The following KCNG4 variants were observed in gnomAD, a reference collection of about 807,000 sequenced individuals.
The protein encoded by KCNG4 is voltage-gated potassium channel regulatory subunit KCNG4.
A neutral mutation model predicts 28.2 loss-of-function variants in KCNG4; 30 were observed. The ratio of observed to expected loss-of-function variants is 1.06; its 90% CI spans 0.80 to 1.44. KCNG4 has a LOEUF of 1.44. Ranked by LOEUF, KCNG4 falls within the 40% of genes most tolerant of loss-of-function variation. The pLI, the probability that KCNG4 is intolerant of heterozygous loss-of-function variation, is 0.00. For synonymous variants in KCNG4, 375 were observed against 315.5 expected, an observed-to-expected ratio of 1.19 and a Z score of -2.00; for missense variants, 879 against 712.3, an observed-to-expected ratio of 1.23 and a Z score of -2.66.
At position 84,222,581 on chromosome 16, in the gene KCNG4, A is replaced by G; in HGVS notation, c.1196T>C (p.Val399Ala). The G allele has an allele frequency of 6.2e-7, 1 of 1,612,986 alleles. No individual in the cohort carries two copies. The highest frequency in any genetic ancestry group is 8.5e-7 in the Non-Finnish European group (1 of 1,179,858). ...GGCGGGGATGCTGGTGAACTCCAGCACCCGCCCGGACTCCTTCTCGGCCAC... is the reference window on the plus strand; with the variant it reads ...GGCGGGGATGCTGGTGAACTCCAGCGCCCGCCCGGACTCCTTCTCGGCCAC... ...VYVAEKESGR[V>A]LEFTSIPASY... Residue 399 changes from valine to alanine, a missense_variant, in exon 3 of 3, where the codon GTG becomes GCG. Coordinates refer to ENST00000308251, the MANE Select transcript of KCNG4 (RefSeq NM_172347.3).
Position 84,237,766 on chromosome 16 carries a change from C to G in KCNG4, c.-40-241G>C, listed in dbSNP as rs1039814653. On this transcript the variant is annotated intron_variant, in intron 1 of 2. Coordinates refer to ENST00000308251, the MANE Select transcript of KCNG4 (RefSeq NM_172347.3). Reference sequence around the variant, plus strand: ...CTCTACCGACATCTCAGAAGGATGTCTCCAGAATAGACGTTGCACGGATGG... The same window carrying G: ...CTCTACCGACATCTCAGAAGGATGTGTCCAGAATAGACGTTGCACGGATGG... Among the ~76,000 whole-genome samples, 13 of 152,290 alleles carry G rather than the reference C, an allele frequency of 8.5e-5. No homozygotes were observed. In the Middle Eastern group the frequency reaches 0.01, roughly 120 times the overall value.
chr16:84,225,137 C>A (rs1210843849), intron 2 of KCNG4, among the ~76,000 whole-genome samples: 1 of 152,094 alleles, frequency 6.6e-6, no homozygotes, highest in Non-Finnish European at 1.5e-5. Context: ...GTCTCCTGGT[C>A]AGTGTAAGGG....
intron 1 of KCNG4, among the ~76,000 whole-genome samples, chr16:84,238,776 G>C (rs978092754): frequency 2.6e-5 from 4 of 152,148 alleles, no homozygotes; most frequent in Non-Finnish European, 2.9e-5. Context: ...GCTGAGGCAG[G>C]AGAATCGCTT....
At chr16:84,228,860 C>T (rs946552054) in intron 2 of KCNG4, among the ~76,000 whole-genome samples, 1 of 152,252 alleles carries the variant, frequency 6.6e-6, no homozygotes, top group African/African-American at 2.4e-5. Flanking sequence ...TACGCTGCTT[C>T]TCTTCCTCCT....
At chr16:84,233,814 AT>A (rs1244762980) in intron 2 of KCNG4, among the ~76,000 whole-genome samples, 1 of 152,060 alleles carries the variant, frequency 6.6e-6, no homozygotes, top group East Asian at 1.9e-4. Context: ...GGAAAGAAAG[AT>A]GGTATCAGTG....
rs1245946857 is a variant in KCNG4, at chr16:84,222,243, G to A, written c.1534C>T (p.Pro512Ser). The A allele has an allele frequency of 1.2e-6, 2 of 1,614,044 alleles. No homozygotes were observed. The highest frequency in any genetic ancestry group is 2.7e-5 in the African/African-American group (2 of 74,928). Residue 512 changes from proline to serine, a missense_variant, in exon 3 of 3, where the codon CCA becomes TCA. Coordinates refer to ENST00000308251, the MANE Select transcript of KCNG4 (RefSeq NM_172347.3). ...NDVNDLILEG[P>S]ALPIMHM is the part of the protein sequence containing the mutation. ...TACATGTGCATGATAGGCAAGGCTG[G>A]GCCCTCCAGGATTAGGTCATTGACA...
rs1440487155 is a variant in KCNG4, at chr16:84,239,734, G to C, written c.-105C>G. The C allele has an allele frequency of 6.6e-6, 1 of 151,488 alleles. No individual in the cohort carries two copies. Among genetic ancestry groups the C allele is most frequent in the Non-Finnish European group, 1.5e-5 (1 of 67,910 alleles). 9.4% of individuals were successfully genotyped at this position (151,488 alleles called of 1,614,324 possible). On this transcript the variant is annotated 5_prime_UTR_variant, in exon 1 of 3. Transcript: ENST00000308251. The stretch of plus-strand genomic sequence containing the variant: ...CCAGGCAAGGGGAGCCCATCTCTTG[G>C]TGCCCAGGGAAGGGACAGGTTTCTG...
At chr16:84,234,200 T>A (rs1219185782) in intron 2 of KCNG4, among the ~76,000 whole-genome samples, 1 of 152,066 alleles carries the variant, frequency 6.6e-6, no homozygotes, top group Non-Finnish European at 1.5e-5. Context: ...TGAGATGGAG[T>A]TTTGCTCTTG....
Position 84,222,783 on chromosome 16 carries a change from C to A in KCNG4, c.994G>T (p.Val332Leu). 1 of 1,611,024 alleles carries A rather than the reference C, an allele frequency of 6.2e-7. No individual in the cohort carries two copies. The highest frequency in any genetic ancestry group is 8.5e-7 in the Non-Finnish European group (1 of 1,178,006). ...CGCAGCACACGCAGGACCAGCCCCA[C>A]CTTCTCCAGGTAGGAGCTCCCGCTC... ...RPSGSSYLEK[V>L]GLVLRVLRAL... The change falls in exon 3 of 3, where the codon GTG (valine) becomes TTG (leucine). Residue 332 changes from valine to leucine, a missense_variant. Val to Leu is a conservative substitution (Grantham distance 32, BLOSUM62 1). Coordinates refer to ENST00000308251, the MANE Select transcript of KCNG4 (RefSeq NM_172347.3).
intron 2 of KCNG4, among the ~76,000 whole-genome samples, chr16:84,230,732 T>G (rs1415329441): frequency 1.3e-5 from 2 of 152,172 alleles, no homozygotes; most frequent in African/African-American, 4.8e-5. Flanking sequence ...TGCAGAGACA[T>G]CACCAAGGGC....
At position 84,222,898 on chromosome 16, in the gene KCNG4, C is replaced by A. The variant is rs1904611264; in HGVS notation, c.879G>T (p.Gly293=). The change falls in exon 3 of 3, where the codon GGG becomes GGT. Residue 293 remains glycine, a synonymous_variant. Transcript: ENST00000308251. The part of the protein sequence containing the change: ...QAQDKCQFFQ[G]PLNIIDILAI... ...CCAGGATGTCGATGATGTTCAGGGG[C>A]CCCTGGAAGAACTGACACTTGTCTT... 1.9e-6 allele frequency: 3 copies of A among 1,611,478 alleles called. No homozygotes were observed. Among genetic ancestry groups the A allele is most frequent in the Non-Finnish European group, 2.5e-6 (3 of 1,178,302 alleles).
In KCNG4 at chr16:84,222,911, T is replaced by G. The variant is rs764362616; in HGVS notation, c.866A>C (p.Gln289Pro). 2.5e-6 allele frequency: 4 copies of G among 1,611,276 alleles called. No individual in the cohort carries two copies. Among genetic ancestry groups the G allele is most frequent in the Non-Finnish European group, 3.4e-6 (4 of 1,178,086 alleles). ...GATGTTCAGGGGCCCCTGGAAGAAC[T>G]GACACTTGTCTTGGGCCTGGACAAA... ...LRFVQAQDKCQFFQGPLNIID... is the reference protein window; with the variant it reads ...LRFVQAQDKCPFFQGPLNIID... The change falls in exon 3 of 3, where the codon CAG (glutamine) becomes CCG (proline). Residue 289 changes from glutamine to proline, a missense_variant. Physicochemically the swap from Gln to Pro is moderately conservative, Grantham distance 76. Transcript: ENST00000308251.
chr16:84,222,494 C>G lies in KCNG4; in HGVS notation c.1283G>C (p.Ser428Thr), dbSNP rs1415242727. ...GAGGGCCACCATCTGGCCTGGCACA[C>G]TGCGGGGCACCATGTCCCCGTAGCC... ...TVGYGDMVPR[S>T]VPGQMVALSS... is the part of the protein sequence containing the mutation. The change falls in exon 3 of 3, where the codon AGT becomes ACT. Residue 428 changes from serine to threonine, a missense_variant. By Grantham distance (58) the Ser-to-Thr change is moderately conservative. Coordinates refer to ENST00000308251, the MANE Select transcript of KCNG4 (RefSeq NM_172347.3). 1.2e-6 allele frequency: 2 copies of G among 1,613,566 alleles called. No individual in the cohort carries two copies. Among genetic ancestry groups the G allele is most frequent in the East Asian group, 2.2e-5 (1 of 44,868 alleles).
chr16:84,232,991 G>C (rs1904862339), intron 2 of KCNG4, among the ~76,000 whole-genome samples: 1 of 151,974 alleles, frequency 6.6e-6, no homozygotes, highest in South Asian at 2.1e-4. Context: ...CAGAAGAATG[G>C]ACTTTAGTAG....
intron 2 of KCNG4, chr16:84,236,423 G>C: frequency 2.2e-6 from 1 of 452,516 alleles, no homozygotes; most frequent in Non-Finnish European, 3.9e-6. Flanking sequence ...ACAGACTCGG[G>C]AGAGCTGGGA....
intron 2 of KCNG4, among the ~76,000 whole-genome samples, chr16:84,224,548 T>G (rs1421491723): frequency 6.6e-6 from 1 of 152,182 alleles, no homozygotes; most frequent in Non-Finnish European, 1.5e-5. Context: ...TGCTCTGAAA[T>G]GGAAAAAGAA....
Position 84,238,531 on chromosome 16 carries a change from C to G in KCNG4, c.-40-1006G>C, listed in dbSNP as rs184768653. Among the ~76,000 whole-genome samples the G allele has an allele frequency of 6.0e-4, 91 of 152,310 alleles. No homozygotes were observed. The Middle Eastern group carries it at 0.01, about 17-fold the overall frequency. On this transcript the variant is annotated intron_variant, in intron 1 of 2. Transcript: ENST00000308251. ...GCCTCAGCCATCCTTGCTGTGTGAC[C>G]TCCAGCCAGTTACTCCCCCTCTCTG... is the stretch of plus-strand genomic sequence containing the variant.
chr16:84,231,440 G>A (rs1455047943), intron 2 of KCNG4, among the ~76,000 whole-genome samples: 1 of 152,174 alleles, frequency 6.6e-6, no homozygotes, highest in Non-Finnish European at 1.5e-5. Flanking sequence ...CCAGGAGGGA[G>A]GGAAAGGCAG....
chr16:84,228,574 G>A (rs1048438756), intron 2 of KCNG4, among the ~76,000 whole-genome samples: 1 of 147,644 alleles, frequency 6.8e-6, no homozygotes, highest in African/African-American at 2.5e-5. Context: ...TACTCACCCC[G>A]AGCCGCAATC....
Sources: gnomAD v4.1 joint callset for allele counts (sites outside exome capture counted in the v4.1 genomes callset) on GRCh38, gnomAD v4.1.1 for gene constraint, MANE v1.5 for transcripts, NCBI Gene and HGNC (gene_info 2026-07-23, HGNC 2026-07-21) for gene names.